The following TENM3 variants were observed in gnomAD, a reference collection of about 807,000 sequenced individuals.
The protein encoded by TENM3 is teneurin transmembrane protein 3.
A neutral mutation model predicts 255.1 loss-of-function variants in TENM3; 63 were observed. The ratio of observed to expected loss-of-function variants is 0.25; its 90% CI spans 0.20 to 0.30. TENM3 has a LOEUF of 0.30. TENM3 is among the 10% of genes least tolerant of loss of function. TENM3 has a pLI of 1.00. For synonymous variants in TENM3, 1,306 were observed against 1,322.3 expected, an observed-to-expected ratio of 0.99 and a Z score of 0.27; for missense variants, 2,929 against 3,461.1, an observed-to-expected ratio of 0.85 and a Z score of 3.86.
chr4:182,295,521 G>A (rs1011754745), intron 1 of TENM3, among the ~76,000 whole-genome samples: 3 of 151,818 alleles, frequency 2.0e-5, no homozygotes, highest in Admixed American at 6.6e-5. Flanking sequence ...TGCCTGCCTC[G>A]GCCTCCCAAA....
At chr4:182,731,170 A>G in intron 16 of TENM3, 31 bp downstream of exon 16, 1 of 1,600,944 alleles carries the variant, frequency 6.2e-7, no homozygotes, top group Non-Finnish European at 8.5e-7. Flanking sequence ...GTACTTGTAA[A>G]TACAAGATCT....
chr4:181,937,848 G>T, the TENM3 span, among the ~76,000 whole-genome samples: 1 of 152,298 alleles, frequency 6.6e-6, no homozygotes. Context: ...AGTTTTAAAA[G>T]TCTCTTCAAG....
At chr4:182,398,730 A>G (rs536866419) in intron 3 of TENM3, among the ~76,000 whole-genome samples, 9 of 152,348 alleles carry the variant, frequency 5.9e-5, no homozygotes, top group African/African-American at 2.2e-4. Context: ...TTGGCCAACC[A>G]GATATAGTTG....
At chr4:182,526,776 TA>T (rs1739235660) in intron 3 of TENM3, among the ~76,000 whole-genome samples, 1 of 152,218 alleles carries the variant, frequency 6.6e-6, no homozygotes, top group Non-Finnish European at 1.5e-5. Context: ...TTTAGCATGG[TA>T]GTACATCTTT....
At chr4:181,690,240 GCA>G in the TENM3 span, among the ~76,000 whole-genome samples, 713 of 150,532 alleles carry the variant, frequency 4.7e-3, 8 homozygotes, top group African/African-American at 0.016. Context: ...GCGTGAGCGT[GCA>G]CACACACACA....
At chr4:181,731,604 C>T in the TENM3 span, among the ~76,000 whole-genome samples, 1 of 152,158 alleles carries the variant, frequency 6.6e-6, no homozygotes, top group Admixed American at 6.6e-5. Flanking sequence ...CCACCTGCCT[C>T]AGCCTCCCAA....
intron 22 of TENM3, among the ~76,000 whole-genome samples, chr4:182,757,115 A>G (rs1489539894): frequency 1.3e-5 from 2 of 152,010 alleles, no homozygotes; most frequent in African/African-American, 2.4e-5. Context: ...GATCAAGACC[A>G]TCCTGGCTAA....
At chr4:181,550,871 C>T in the TENM3 span, among the ~76,000 whole-genome samples, 1 of 152,262 alleles carries the variant, frequency 6.6e-6, no homozygotes, top group African/African-American at 2.4e-5. Flanking sequence ...GGCACAAAGT[C>T]CATGCTCTCC....
the TENM3 span, among the ~76,000 whole-genome samples, chr4:182,081,296 G>T: frequency 6.6e-6 from 1 of 152,024 alleles, no homozygotes; most frequent in South Asian, 2.1e-4. Context: ...GATGTCTCAG[G>T]CCAGGTGTGG....
chr4:181,879,941 C>T, the TENM3 span, among the ~76,000 whole-genome samples: 1 of 152,062 alleles, frequency 6.6e-6, no homozygotes, highest in Non-Finnish European at 1.5e-5. Context: ...AAGTGAACTT[C>T]TTTTTAGTGT....
At chr4:182,679,554 T>C in intron 7 of TENM3, 112 bp from the exon 8 acceptor site, 1 of 864,660 alleles carries the variant, frequency 1.2e-6, no homozygotes, top group Middle Eastern at 3.6e-4. Context: ...CAGGAACTTC[T>C]TTCTAACATT....
intron 1 of TENM3, among the ~76,000 whole-genome samples, chr4:182,302,338 T>A (rs1761899696): frequency 1.3e-5 from 2 of 152,170 alleles, no homozygotes; most frequent in African/African-American, 4.8e-5. Flanking sequence ...GATGCTTCTG[T>A]GATCTGGACA....
At chr4:181,812,816 G>A in the TENM3 span, among the ~76,000 whole-genome samples, 1 of 152,118 alleles carries the variant, frequency 6.6e-6, no homozygotes, top group African/African-American at 2.4e-5. Context: ...GTATACAAAT[G>A]ACTGAAAAAT....
chr4:181,927,907 C>G, the TENM3 span, among the ~76,000 whole-genome samples: 1 of 152,178 alleles, frequency 6.6e-6, no homozygotes, highest in African/African-American at 2.4e-5. Context: ...GGACCTCCAG[C>G]AAACTCCAGC....
the TENM3 span, among the ~76,000 whole-genome samples, chr4:181,629,399 A>T: frequency 6.6e-6 from 1 of 152,278 alleles, no homozygotes; most frequent in Admixed American, 6.5e-5. Context: ...GAGAGAGCGC[A>T]TCCCTGTCTT....
At chr4:182,088,100 T>A in the TENM3 span, among the ~76,000 whole-genome samples, 1 of 152,210 alleles carries the variant, frequency 6.6e-6, no homozygotes. Flanking sequence ...ATCTTAAGAT[T>A]TATACATATA....
chr4:182,013,112 G>GGAATGAATGGCGAGCATTCAAAT, the TENM3 span, among the ~76,000 whole-genome samples: 6 of 152,162 alleles, frequency 3.9e-5, no homozygotes, highest in Non-Finnish European at 8.8e-5. Flanking sequence ...AGCATTCAAA[G>GGAATGAATGGCGAGCATTCAAAT]AAACAAATGG....
At chr4:181,913,602 C>T in the TENM3 span, among the ~76,000 whole-genome samples, 14 of 151,926 alleles carry the variant, frequency 9.2e-5, no homozygotes, top group South Asian at 4.2e-4. Flanking sequence ...GTAGTTTTGG[C>T]GGGAGGGACA....
intron 3 of TENM3, among the ~76,000 whole-genome samples, chr4:182,564,270 G>A (rs1438775511): frequency 6.6e-6 from 1 of 150,592 alleles, no homozygotes; most frequent in Non-Finnish European, 1.5e-5. Context: ...CACACAAAAT[G>A]AATCCAATCT....
Sources: allele counts gnomAD v4.1 joint callset (sites outside exome capture counted in the v4.1 genomes callset), GRCh38; gene constraint gnomAD v4.1.1; transcripts MANE v1.5; gene names NCBI Gene and HGNC (gene_info 2026-07-23, HGNC 2026-07-21).